POT1: variants seen among roughly 807,000 people sequenced by gnomAD.
The protein encoded by POT1 is protection of telomeres 1.
POT1 carries 47 observed loss-of-function variants against 78.5 expected under a neutral mutation model. That is an observed-to-expected ratio of 0.60 (90% CI 0.47 to 0.76). POT1 has a LOEUF of 0.76. Among genes scored for constraint, POT1 ranks in the 30% least tolerant of loss-of-function variants. The pLI, the probability that POT1 is intolerant of heterozygous loss-of-function variation, is 0.00. For missense variants in POT1, 646 were observed against 749.9 expected (o/e 0.86, Z 1.62); for synonymous variants, 259 against 260.7 (o/e 0.99, Z 0.06).
intron 12 of POT1, among the ~76,000 whole-genome samples, chr7:124,846,435 A>AT (rs937653623): frequency 6.6e-6 from 1 of 151,510 alleles, no homozygotes; most frequent in African/African-American, 2.4e-5. Context: ...TTTTCTGAAA[A>AT]TTTTTTTTTA....
chr7:124,844,497 G>C (rs1584759579), intron 12 of POT1, among the ~76,000 whole-genome samples: 1 of 148,948 alleles, frequency 6.7e-6, no homozygotes, highest in Admixed American at 6.6e-5. Context: ...AGCACTTTGG[G>C]AGGCCGAGGC....
At chr7:124,859,708 C>A (rs1190106484) in intron 8 of POT1, among the ~76,000 whole-genome samples, 1 of 147,024 alleles carries the variant, frequency 6.8e-6, no homozygotes, top group East Asian at 2.0e-4. Context: ...ATAAATGACG[C>A]CTGGTTATTT....
At position 124,841,189 on chromosome 7, in the gene POT1, T is replaced by C; in HGVS notation, c.1164-11A>G. ...TGTGGAACTTCTTGCCTAAAATTATTGGCAATGAAATGATAGAAATCGATT... is the reference window on the plus strand; with the variant it reads ...TGTGGAACTTCTTGCCTAAAATTATCGGCAATGAAATGATAGAAATCGATT... On this transcript the variant is annotated splice_polypyrimidine_tract_variant and intron_variant, in intron 13 of 18. Transcript: ENST00000357628. The C allele has an allele frequency of 6.2e-7, 1 of 1,604,900 alleles. No individual in the cohort carries two copies. The highest frequency in any genetic ancestry group is 1.1e-5 in the South Asian group (1 of 89,630).
rs1188834641 is a variant in POT1 at position 124,835,566 on chromosome 7, T to C, written c.1370-152A>G. Reference sequence around the variant, plus strand: ...TGTAAAAAATATTAATTTGTAAATGTACAATCCTATACATTGATTAAAAAA... The same window carrying C: ...TGTAAAAAATATTAATTTGTAAATGCACAATCCTATACATTGATTAAAAAA... On this transcript the variant is annotated intron_variant, in intron 14 of 18. Transcript: ENST00000357628. 7.1e-5 allele frequency: 54 copies of C among 765,932 alleles called. No homozygotes were observed. The Admixed American group carries it at 1.7e-3, about 24-fold the overall frequency. The allele number at this position is 765,932 out of a possible 1,614,324, so 47.4% of individuals were successfully genotyped here. A position where few individuals can be genotyped will look rare whatever the true frequency, so the allele number is the denominator to read the frequency against.
chr7:124,830,457 T>C (rs1794733300), intron 15 of POT1, among the ~76,000 whole-genome samples: 1 of 152,180 alleles, frequency 6.6e-6, no homozygotes, highest in Non-Finnish European at 1.5e-5. Flanking sequence ...TATAGGTGTT[T>C]CTTTTCTAAT....
intron 2 of POT1, among the ~76,000 whole-genome samples, chr7:124,920,938 A>T (rs57593125): frequency 0.047 from 7,197 of 151,832 alleles, 408 homozygotes; most frequent in African/African-American, 0.13. Flanking sequence ...TAAAAAAAAA[A>T]TTTTTTTAAT....
At chr7:124,865,368 A>T (rs996089114) in intron 7 of POT1, among the ~76,000 whole-genome samples, 2 of 151,990 alleles carry the variant, frequency 1.3e-5, no homozygotes, top group African/African-American at 4.8e-5. Flanking sequence ...TATTTCTATA[A>T]ATATTTTATT....
At chr7:124,844,950 G>A (rs1282241050) in intron 12 of POT1, among the ~76,000 whole-genome samples, 1 of 151,900 alleles carries the variant, frequency 6.6e-6, no homozygotes, top group Non-Finnish European at 1.5e-5. Flanking sequence ...TAACATTTTT[G>A]CACATTTATC....
intron 15 of POT1, among the ~76,000 whole-genome samples, chr7:124,830,571 G>A: frequency 6.6e-6 from 1 of 151,950 alleles, no homozygotes; most frequent in Non-Finnish European, 1.5e-5. Context: ...TAAAAATTAA[G>A]GATATTAAGT....
intron 11 of POT1, among the ~76,000 whole-genome samples, chr7:124,847,270 A>G (rs963266978): frequency 6.6e-6 from 1 of 152,220 alleles, no homozygotes; most frequent in Non-Finnish European, 1.5e-5. Flanking sequence ...TGAGGTGGGC[A>G]GATCACTTGA....
chr7:124,850,137 T>A (rs1795268020), intron 11 of POT1, among the ~76,000 whole-genome samples: 1 of 152,248 alleles, frequency 6.6e-6, no homozygotes, highest in African/African-American at 2.4e-5. Context: ...ATTTGTCATC[T>A]GAACTAAATT....
At chr7:124,903,882 A>G (rs779830547) in intron 3 of POT1, among the ~76,000 whole-genome samples, 12 of 152,242 alleles carry the variant, frequency 7.9e-5, no homozygotes, top group Non-Finnish European at 1.2e-4. Flanking sequence ...AGAGAATACT[A>G]TGAACACTTC....
intron 8 of POT1, among the ~76,000 whole-genome samples, chr7:124,862,677 T>C (rs1371342386): frequency 6.6e-6 from 1 of 152,168 alleles, no homozygotes. Context: ...CTTGCCCTAT[T>C]ATTCCAAAGA....
chr7:124,910,218 C>T (rs1796858761), intron 3 of POT1, among the ~76,000 whole-genome samples: 1 of 151,832 alleles, frequency 6.6e-6, no homozygotes, highest in Non-Finnish European at 1.5e-5. Flanking sequence ...TTATAGCCTG[C>T]CATACTGTCT....
At chr7:124,827,566 C>T (rs973151903) in intron 16 of POT1, among the ~76,000 whole-genome samples, 16 of 152,114 alleles carry the variant, frequency 1.1e-4, no homozygotes, top group Non-Finnish European at 1.8e-4. Context: ...AAGTCTTCTG[C>T]GCTGATTGCT....
chr7:124,920,182 G>C (rs757815476), intron 2 of POT1, among the ~76,000 whole-genome samples: 3 of 151,934 alleles, frequency 2.0e-5, no homozygotes, highest in Non-Finnish European at 4.4e-5. Context: ...ACAAAAACTG[G>C]AAAGAATCCA....
intron 2 of POT1, among the ~76,000 whole-genome samples, chr7:124,916,371 TA>T (rs1289769577): frequency 6.6e-6 from 1 of 151,960 alleles, no homozygotes; most frequent in Non-Finnish European, 1.5e-5. Flanking sequence ...TAGTCAAAAG[TA>T]AAAGTAGTTA....
At chr7:124,864,170 T>C (rs1052407035) in intron 7 of POT1, among the ~76,000 whole-genome samples, 2 of 152,176 alleles carry the variant, frequency 1.3e-5, no homozygotes, top group African/African-American at 4.8e-5. Flanking sequence ...ATTTATATTG[T>C]TACATCTTCA....
Position 124,903,662 on chromosome 7 carries a change from A to G in POT1, c.-153-5288T>C, listed in dbSNP as rs979152006. On this transcript the variant is annotated intron_variant, in intron 3 of 18. Coordinates refer to ENST00000357628, the MANE Select transcript of POT1 (RefSeq NM_015450.3). ...ATTCAAAAGCTAGCAGAAGGCAAGA[A>G]AAAACTAAGATCAGAGCAGAACTGA... Among the ~76,000 whole-genome samples the G allele has an allele frequency of 2.6e-5, 4 of 152,342 alleles. No individual in the cohort carries two copies. The East Asian group carries it at 7.7e-4, about 29-fold the overall frequency.
Sources: allele counts gnomAD v4.1 joint callset (sites outside exome capture counted in the v4.1 genomes callset), GRCh38; gene constraint gnomAD v4.1.1; transcripts MANE v1.5; gene names NCBI Gene and HGNC (gene_info 2026-07-23, HGNC 2026-07-21).